The following ME1 variants were observed in gnomAD, a reference collection of about 807,000 sequenced individuals.
ME1 encodes malic enzyme 1, also known as NADP-dependent malic enzyme.
A neutral mutation model predicts 66.4 loss-of-function variants in ME1; 74 were observed. That is an observed-to-expected ratio of 1.11 (90% CI 0.92 to 1.35). ME1 has a LOEUF of 1.35. Ranked by LOEUF, ME1 falls within the 40% of genes most tolerant of loss-of-function variation. The probability of loss-of-function intolerance (pLI) is 0.00; values close to 1 mark genes in which losing one functional copy is unlikely to be tolerated. For missense variants in ME1, 750 were observed against 694.1 expected, an observed-to-expected ratio of 1.08 and a Z score of -0.90; for synonymous variants, 251 against 235.6, an observed-to-expected ratio of 1.07 and a Z score of -0.60.
At chr6:83,395,835 C>T (rs1405147261) in intron 3 of ME1, among the ~76,000 whole-genome samples, 2 of 141,680 alleles carry the variant, frequency 1.4e-5, no homozygotes, top group African/African-American at 2.6e-5. Context: ...ATTAGGCAAG[C>T]AAAAGAAAAA....
At chr6:83,269,607 C>A (rs932832139) in intron 6 of ME1, among the ~76,000 whole-genome samples, 2 of 152,074 alleles carry the variant, frequency 1.3e-5, no homozygotes, top group Non-Finnish European at 2.9e-5. Context: ...AACTGTTCCC[C>A]CTTTTTATAT....
chr6:83,326,172 T>C lies in ME1; in HGVS notation c.601-10759A>G, dbSNP rs147544215. On this transcript the variant is annotated intron_variant, in intron 5 of 13. Transcript: ENST00000369705. ...GGGAAAGGATTCCCTATTTAATAAA[T>C]GGTGTTGGGAAAACTGGCAGAAAAC... Among the ~76,000 whole-genome samples the C allele has an allele frequency of 8.1e-4, 123 of 152,250 alleles. 1 individual carries two copies. The highest frequency in any genetic ancestry group is 2.9e-3 in the African/African-American group (119 of 41,560).
chr6:83,329,327 G>C (rs987147196), intron 5 of ME1, among the ~76,000 whole-genome samples: 9 of 151,894 alleles, frequency 5.9e-5, no homozygotes, highest in African/African-American at 2.2e-4. Context: ...TCCAAATTTG[G>C]GATGATAGCA....
At chr6:83,219,930 G>C (rs1286755856) in intron 12 of ME1, among the ~76,000 whole-genome samples, 1 of 151,984 alleles carries the variant, frequency 6.6e-6, no homozygotes, top group African/African-American at 2.4e-5. Flanking sequence ...AGCCCACATG[G>C]CCAAATGGAA....
chr6:83,285,747 T>A (rs758194130), intron 6 of ME1, among the ~76,000 whole-genome samples: 1 of 152,172 alleles, frequency 6.6e-6, no homozygotes, highest in Non-Finnish European at 1.5e-5. Flanking sequence ...GGAATGCCAT[T>A]GAATGAAACT....
chr6:83,285,864 G>A (rs1032987851), intron 6 of ME1, among the ~76,000 whole-genome samples: 3 of 152,152 alleles, frequency 2.0e-5, no homozygotes, highest in Non-Finnish European at 2.9e-5. Flanking sequence ...GAAAAGAGGC[G>A]AATGCATAAT....
chr6:83,302,302 G>C (rs535773218), intron 6 of ME1, among the ~76,000 whole-genome samples: 8 of 152,042 alleles, frequency 5.3e-5, no homozygotes, highest in Non-Finnish European at 8.8e-5. Context: ...AGCTTACTTA[G>C]AGTAGGAGGT....
At chr6:83,222,720 CT>C (rs1198059490) in intron 12 of ME1, among the ~76,000 whole-genome samples, 1 of 152,138 alleles carries the variant, frequency 6.6e-6, no homozygotes, top group African/African-American at 2.4e-5. Flanking sequence ...CATGATATCT[CT>C]TGTGCCAGGA....
intron 6 of ME1, among the ~76,000 whole-genome samples, chr6:83,273,755 G>A (rs1767127258): frequency 6.6e-6 from 1 of 152,128 alleles, no homozygotes; most frequent in African/African-American, 2.4e-5. Context: ...TTCATGTTAT[G>A]TGTTATGAAA....
chr6:83,272,185 A>G (rs1253091103), intron 6 of ME1, among the ~76,000 whole-genome samples: 1 of 152,148 alleles, frequency 6.6e-6, no homozygotes, highest in Non-Finnish European at 1.5e-5. Flanking sequence ...TGATATATTA[A>G]AGGATCCTAG....
chr6:83,217,485 A>G (rs796753115), intron 12 of ME1, among the ~76,000 whole-genome samples: 11 of 152,360 alleles, frequency 7.2e-5, no homozygotes, highest in African/African-American at 2.6e-4. Context: ...GAACAAGCAT[A>G]ACACTACGGA....
At position 83,253,820 on chromosome 6, in the gene ME1, T is replaced by A. The variant is rs1319313433; in HGVS notation, c.705-82A>T. On this transcript the variant is annotated intron_variant, in intron 6 of 13. Coordinates refer to ENST00000369705, the MANE Select transcript of ME1 (RefSeq NM_002395.6). ...AACTTTTAAAATTAGCCCATAGAAA[T>A]AGGAAAACATTATTTCCTTTTAAAG... The A allele has an allele frequency of 4.4e-6, 3 of 678,466 alleles. No individual in the cohort carries two copies. In the East Asian group the frequency reaches 8.0e-5, roughly 18 times the overall value. The allele number at this position is 678,466 out of a possible 1,614,324, so 42.0% of individuals were successfully genotyped here.
Position 83,398,747 on chromosome 6 carries a change from G to A in ME1, c.213-231C>T, listed in dbSNP as rs547643936. 1.2e-4 allele frequency among the ~76,000 whole-genome samples: 18 copies of A among 152,170 alleles called. No homozygotes were observed. In the South Asian group the frequency reaches 3.1e-3, roughly 26 times the overall value. On this transcript the variant is annotated intron_variant, in intron 2 of 13. Coordinates refer to ENST00000369705, the MANE Select transcript of ME1 (RefSeq NM_002395.6). ...AGCACCTTGGGAGGCTGAGGTGGGC[G>A]GATCACAAGATCAGGAGTTCAAGAC...
intron 6 of ME1, among the ~76,000 whole-genome samples, chr6:83,307,386 C>A (rs1767844456): frequency 6.6e-6 from 1 of 152,056 alleles, no homozygotes; most frequent in Non-Finnish European, 1.5e-5. Flanking sequence ...AGTAACATGA[C>A]TGCTGATTTT....
chr6:83,414,187 T>A (rs1299150775), intron 1 of ME1, among the ~76,000 whole-genome samples: 1 of 147,426 alleles, frequency 6.8e-6, no homozygotes, highest in Non-Finnish European at 1.5e-5. Flanking sequence ...CCAAAAAAAA[T>A]CAGCCAGATG....
intron 6 of ME1, among the ~76,000 whole-genome samples, chr6:83,282,803 T>C (rs1328890288): frequency 1.3e-5 from 2 of 152,140 alleles, no homozygotes; most frequent in Non-Finnish European, 2.9e-5. Flanking sequence ...TAAAGACACA[T>C]GCACATGTAT....
At chr6:83,267,597 C>T (rs1583348358) in intron 6 of ME1, among the ~76,000 whole-genome samples, 1 of 152,116 alleles carries the variant, frequency 6.6e-6, no homozygotes, top group Admixed American at 6.5e-5. Flanking sequence ...GATGTATAAA[C>T]TTTGCATTTT....
chr6:83,300,902 T>C (rs186558237), intron 6 of ME1, among the ~76,000 whole-genome samples: 31 of 152,284 alleles, frequency 2.0e-4, no homozygotes, highest in African/African-American at 6.5e-4. Context: ...TGTAGAGACA[T>C]GGATGAAGCT....
intron 6 of ME1, among the ~76,000 whole-genome samples, chr6:83,275,610 C>G (rs188948136): frequency 7.0e-6 from 1 of 142,510 alleles, no homozygotes; most frequent in African/African-American, 2.6e-5. Flanking sequence ...GGACTACAGG[C>G]GCCGCCACCA....
Sources: allele counts gnomAD v4.1 joint callset (sites outside exome capture counted in the v4.1 genomes callset), GRCh38; gene constraint gnomAD v4.1.1; transcripts MANE v1.5; gene names NCBI Gene and HGNC (gene_info 2026-07-23, HGNC 2026-07-21).